The following MRPL33 variants were observed in gnomAD, a reference collection of about 807,000 sequenced individuals.
The protein encoded by MRPL33 is mitochondrial ribosomal protein L33, also known as large ribosomal subunit protein bL33m.
MRPL33 carries 5 observed loss-of-function variants against 10.1 expected under a neutral mutation model. That is an observed-to-expected ratio of 0.49 (90% confidence interval 0.26 to 1.04). The LOEUF is 1.04. MRPL33 is among the 50% of genes least tolerant of loss of function. The probability of loss-of-function intolerance (pLI) is 0.14; values close to 1 mark genes in which losing one functional copy is unlikely to be tolerated. For missense variants in MRPL33, 79 were observed against 78.1 expected, an observed-to-expected ratio of 1.01 and a Z score of -0.04; for synonymous variants, 24 against 27.7, an observed-to-expected ratio of 0.87 and a Z score of 0.42.
intron 3 of MRPL33, among the ~76,000 whole-genome samples, chr2:27,777,349 A>G (rs1170676684): frequency 4.7e-5 from 7 of 147,446 alleles, no homozygotes; most frequent in Admixed American, 2.7e-4. Context: ...TGTCTCTTAC[A>G]TGGAGCCAAA....
At position 27,779,516 on chromosome 2, in the gene MRPL33, A is replaced by G; in HGVS notation, c.*34A>G. 6.2e-7 allele frequency: 1 copy of G among 1,613,158 alleles called. No homozygotes were observed. The highest frequency in any genetic ancestry group is 8.5e-7 in the Non-Finnish European group (1 of 1,179,716). On this transcript the variant is annotated 3_prime_UTR_variant, in exon 4 of 4. Coordinates refer to ENST00000296102, the MANE Select transcript of MRPL33 (RefSeq NM_004891.4). Reference sequence around the variant, plus strand: ...TTGAAAATGACTTTGATTTATAAAGAGAAGACTGAGGGCGGGGATACTGAT... The same window carrying G: ...TTGAAAATGACTTTGATTTATAAAGGGAAGACTGAGGGCGGGGATACTGAT...
intron 1 of MRPL33, 69 bp from the exon 2 acceptor site, chr2:27,772,605 C>G: frequency 2.4e-6 from 3 of 1,267,674 alleles, no homozygotes; most frequent in Non-Finnish European, 3.3e-6. Context: ...TTTATATGAA[C>G]TTTGCATAAG....
chr2:27,776,696 A>G (rs2148174374), intron 3 of MRPL33, among the ~76,000 whole-genome samples: 1 of 152,388 alleles, frequency 6.6e-6, no homozygotes, highest in East Asian at 1.9e-4. Context: ...AATTCCTTGG[A>G]TGACTAAACA....
At chr2:27,778,933 GT>G (rs1677224177) in intron 3 of MRPL33, among the ~76,000 whole-genome samples, 1 of 152,050 alleles carries the variant, frequency 6.6e-6, no homozygotes, top group African/African-American at 2.4e-5. Flanking sequence ...TGAGATTTTG[GT>G]TATGATATTA....
At chr2:27,775,732 A>G (rs1387265726) in intron 3 of MRPL33, among the ~76,000 whole-genome samples, 3 of 152,224 alleles carry the variant, frequency 2.0e-5, no homozygotes, top group African/African-American at 4.8e-5. Flanking sequence ...TTGTCAGCTT[A>G]AAGTTTCTTG....
In MRPL33 at chr2:27,772,330, A is replaced by G. The variant is rs893655809; in HGVS notation, c.23-344A>G. ...TTGCAAAGGTTAAACTTGTCAAACA[A>G]GAAGCTTGCTGCAGCGCGAATACTT... On this transcript the variant is annotated intron_variant, in intron 1 of 3. Transcript: ENST00000296102. 69 of 268,004 alleles carry G rather than the reference A, an allele frequency of 2.6e-4. No individual in the cohort carries two copies. The Admixed American group carries it at 2.8e-3, about 11-fold the overall frequency. The allele number at this position is 268,004 out of a possible 1,614,324, so 16.6% of individuals were successfully genotyped here.
chr2:27,774,670 C>T (rs946846062), intron 3 of MRPL33, 140 bp downstream of exon 3: 4 of 658,514 alleles, frequency 6.1e-6, no homozygotes, highest in Non-Finnish European at 1.1e-5. Context: ...TGTTATGATG[C>T]TATTTAACAT....
At chr2:27,774,333 C>A in intron 2 of MRPL33, 91 bp from the exon 3 acceptor site, 1 of 995,064 alleles carries the variant, frequency 1.0e-6, no homozygotes. Context: ...CTAATATTAC[C>A]CTACAGAGTT....
intron 3 of MRPL33, among the ~76,000 whole-genome samples, chr2:27,776,293 C>A (rs1359477589): frequency 1.3e-5 from 2 of 152,256 alleles, no homozygotes; most frequent in Non-Finnish European, 1.5e-5. Flanking sequence ...GGCTTTCTGC[C>A]CACCTGCTGA....
At position 27,779,486 on chromosome 2, in the gene MRPL33, G is replaced by A. The variant is rs199749713; in HGVS notation, c.*4G>A. The A allele has an allele frequency of 4.3e-6, 7 of 1,613,526 alleles. No individual in the cohort carries two copies. The highest frequency in any genetic ancestry group is 5.9e-6 in the Non-Finnish European group (7 of 1,179,862). Reference sequence around the variant, plus strand: ...GAAAAAAATACGCTCCCTTTAAACGGTGGATTGAAAATGACTTTGATTTAT... The same window carrying A: ...GAAAAAAATACGCTCCCTTTAAACGATGGATTGAAAATGACTTTGATTTAT... On this transcript the variant is annotated 3_prime_UTR_variant, in exon 4 of 4. Coordinates refer to ENST00000296102, the MANE Select transcript of MRPL33 (RefSeq NM_004891.4).
intron 3 of MRPL33, among the ~76,000 whole-genome samples, chr2:27,776,194 G>C (rs1431958511): frequency 6.6e-6 from 1 of 152,260 alleles, no homozygotes; most frequent in Non-Finnish European, 1.5e-5. Flanking sequence ...CAGACGCTTA[G>C]AATTTTTCTG....
intron 3 of MRPL33, among the ~76,000 whole-genome samples, chr2:27,778,831 G>T (rs2148175628): frequency 6.6e-6 from 1 of 152,356 alleles, no homozygotes; most frequent in East Asian, 1.9e-4. Flanking sequence ...TGGGATTACA[G>T]GTGTGAGTCA....
At chr2:27,774,889 A>G (rs1282932275) in intron 3 of MRPL33, among the ~76,000 whole-genome samples, 2 of 152,232 alleles carry the variant, frequency 1.3e-5, no homozygotes, top group African/African-American at 4.8e-5. Flanking sequence ...GGAGATAGTT[A>G]ACCGAGACCT....
chr2:27,772,426 G>T lies in MRPL33; in HGVS notation c.23-248G>T, dbSNP rs116517381. On this transcript the variant is annotated intron_variant, in intron 1 of 3. Transcript: ENST00000296102. ...GATTTAAAAGGTAGCCAGTCCAACA[G>T]TCATGAAATTATGCAAAATATTAAA... 1,765 of 434,900 alleles carry T rather than the reference G, an allele frequency of 4.1e-3. 26 individuals are homozygous for T. The highest frequency in any genetic ancestry group is 0.033 in the African/African-American group (1,609 of 48,720). The allele number at this position is 434,900 out of a possible 1,614,324, so 26.9% of individuals were successfully genotyped here.
chr2:27,777,774 T>C (rs778929332), intron 3 of MRPL33, among the ~76,000 whole-genome samples: 9 of 152,242 alleles, frequency 5.9e-5, no homozygotes, highest in Non-Finnish European at 1.0e-4. Context: ...AGCCTTGCTC[T>C]ACTAACCTTA....
chr2:27,779,281 A>G lies in MRPL33; in HGVS notation c.149-152A>G, dbSNP rs2148175893. On this transcript the variant is annotated intron_variant, in intron 3 of 3. Coordinates refer to ENST00000296102, the MANE Select transcript of MRPL33 (RefSeq NM_004891.4). ...CAGTCTGCCCTGGCTCCTGGGATGG[A>G]GGAACTGAGTTTGCAAATCAGCTCC... The G allele has an allele frequency of 4.4e-6, 4 of 900,800 alleles. No homozygotes were observed. In the East Asian group the frequency reaches 1.2e-4, roughly 27 times the overall value. 55.8% of individuals were successfully genotyped at this position (900,800 alleles called of 1,614,324 possible). A position where few individuals can be genotyped will look rare whatever the true frequency, so the allele number is the denominator to read the frequency against.
In MRPL33 at chr2:27,771,886, A is replaced by C. The variant is rs1392185769; in HGVS notation, c.22+87A>C. 5.2e-6 allele frequency: 7 copies of C among 1,349,266 alleles called. No individual in the cohort carries two copies. In the Admixed American group the frequency reaches 1.3e-4, roughly 25 times the overall value. 83.6% of individuals were successfully genotyped at this position (1,349,266 alleles called of 1,614,324 possible). On this transcript the variant is annotated intron_variant, in intron 1 of 3. Transcript: ENST00000296102. The stretch of plus-strand genomic sequence containing the variant: ...GGGCCCCGGAATGATGCGGGGAAGG[A>C]TGTGCGAACAGGACGGGAAGCTGCA...
In MRPL33 at chr2:27,779,569, GAA is replaced by G; in HGVS notation, c.*88_*89del. 6.3e-7 allele frequency: 1 copy of G among 1,592,976 alleles called. No individual in the cohort carries two copies. The highest frequency in any genetic ancestry group is 8.5e-7 in the Non-Finnish European group (1 of 1,174,186). ...AGAAATCCTGTAGCGTGTAATAAAA[GAA>G]GAGGAAATGGCATGGAATCACTGCC... On this transcript the variant is annotated 3_prime_UTR_variant, in exon 4 of 4. Coordinates refer to ENST00000296102, the MANE Select transcript of MRPL33 (RefSeq NM_004891.4).
chr2:27,771,915 G>A, intron 1 of MRPL33, 116 bp downstream of exon 1: 2 of 1,145,432 alleles, frequency 1.7e-6, no homozygotes, highest in East Asian at 2.5e-5. Flanking sequence ...AGCTGCAGCT[G>A]CGTACTTTTC....
Sources: allele counts gnomAD v4.1 joint callset (sites outside exome capture counted in the v4.1 genomes callset), GRCh38; gene constraint gnomAD v4.1.1; transcripts MANE v1.5; gene names NCBI Gene and HGNC (gene_info 2026-07-23, HGNC 2026-07-21).